KDM6A: variants seen among roughly 807,000 people sequenced by gnomAD.
The protein encoded by KDM6A is lysine-specific demethylase 6A.
KDM6A carries 11 observed loss-of-function variants against 117.6 expected under a neutral mutation model. The ratio of observed to expected loss-of-function variants is 0.09; its 90% CI spans 0.06 to 0.15. The LOEUF (loss-of-function observed/expected upper bound fraction) is 0.15, where lower values mean the gene tolerates loss of function less well. Among genes scored for constraint, KDM6A ranks in the 10% least tolerant of loss-of-function variants. The pLI is 1.00. For synonymous variants in KDM6A, 384 were observed against 396.1 expected, an observed-to-expected ratio of 0.97 and a Z score of 0.36; for missense variants, 799 against 1,077.3, an observed-to-expected ratio of 0.74 and a Z score of 3.62.
At chrX:45,038,598 G>T (rs185400409) in intron 8 of KDM6A, among the ~76,000 whole-genome samples, 15 of 108,128 alleles carry the variant, frequency 1.4e-4, no homozygotes, top group Non-Finnish European at 2.1e-4. Flanking sequence ...ACATTTGGGG[G>T]GGGGTGGTTG....
intron 2 of KDM6A, among the ~76,000 whole-genome samples, chrX:44,919,345 T>A (rs1294791244): frequency 9.0e-6 from 1 of 111,161 alleles, no homozygotes; most frequent in Non-Finnish European, 1.9e-5. Context: ...GACCTTAGTT[T>A]TGAGGAATAC....
At chrX:45,088,793 G>A (rs2045764093) in intron 25 of KDM6A, among the ~76,000 whole-genome samples, 1 of 112,863 alleles carries the variant, frequency 8.9e-6, no homozygotes, top group African/African-American at 3.2e-5. Flanking sequence ...ATATCATGAT[G>A]GAGAATAAGA....
chrX:45,000,593 T>G (rs1310212460), intron 4 of KDM6A, among the ~76,000 whole-genome samples: 2 of 112,560 alleles, frequency 1.8e-5, no homozygotes, highest in Non-Finnish European at 3.8e-5. Flanking sequence ...GCTGACTGAC[T>G]GATAAGCTCT....
At chrX:45,010,642 G>T (rs2041714436) in intron 4 of KDM6A, among the ~76,000 whole-genome samples, 1 of 111,802 alleles carries the variant, frequency 8.9e-6, no homozygotes, top group Non-Finnish European at 1.9e-5. Context: ...ACCAGAGGAA[G>T]AATGTAGATA....
At chrX:44,935,074 A>G (rs1291141392) in intron 2 of KDM6A, among the ~76,000 whole-genome samples, 1 of 111,156 alleles carries the variant, frequency 9.0e-6, no homozygotes, top group Non-Finnish European at 1.9e-5. Flanking sequence ...TACATGCAGT[A>G]CTTACTTGGC....
At chrX:44,933,390 C>T (rs1001247815) in intron 2 of KDM6A, among the ~76,000 whole-genome samples, 1 of 103,850 alleles carries the variant, frequency 9.6e-6, no homozygotes. Context: ...GCCTCAGCCT[C>T]GCAAGTAGCT....
chrX:45,071,001 A>G (rs1273834634), intron 18 of KDM6A, among the ~76,000 whole-genome samples: 2 of 111,878 alleles, frequency 1.8e-5, no homozygotes, highest in African/African-American at 3.2e-5. Context: ...AAGAAGAATC[A>G]AAGGATCAGG....
intron 19 of KDM6A, 147 bp from the exon 20 acceptor site, chrX:45,078,253 A>G (rs2148111855): frequency 1.9e-6 from 1 of 516,115 alleles, no homozygotes; most frequent in Non-Finnish European, 3.1e-6. Flanking sequence ...ATCAAAAGTC[A>G]CAGTGATAAG....
intron 4 of KDM6A, among the ~76,000 whole-genome samples, chrX:44,979,997 CCT>C (rs1491581496): frequency 1.6e-4 from 12 of 73,120 alleles, no homozygotes; most frequent in African/African-American, 5.9e-4. Context: ...TTCTTTCTTT[CCT>C]TTTTTTTTTT....
chrX:44,906,119 C>T (rs1334806257), intron 2 of KDM6A, among the ~76,000 whole-genome samples: 3 of 111,465 alleles, frequency 2.7e-5, no homozygotes, highest in African/African-American at 9.8e-5. Context: ...CTCCATATAA[C>T]TTTTAAACCC....
At chrX:44,906,520 C>A (rs772424472) in intron 2 of KDM6A, among the ~76,000 whole-genome samples, 1 of 110,244 alleles carries the variant, frequency 9.1e-6, no homozygotes, top group South Asian at 3.8e-4. Flanking sequence ...ATGAAGCTTT[C>A]CCTTAATCGT....
chrX:44,876,695 T>G (rs959933678), intron 2 of KDM6A, among the ~76,000 whole-genome samples: 9 of 100,351 alleles, frequency 9.0e-5, no homozygotes, highest in African/African-American at 2.6e-4. Context: ...AATTTAGCTA[T>G]TACTACTTGT....
chrX:44,941,262 A>G (rs2037302497), intron 2 of KDM6A, among the ~76,000 whole-genome samples: 1 of 111,199 alleles, frequency 9.0e-6, no homozygotes, highest in Non-Finnish European at 1.9e-5. Flanking sequence ...CTTAATATTA[A>G]TGAAAATAAT....
chrX:45,110,312 G>A, intron 29 of KDM6A, 63 bp downstream of exon 29: 1 of 982,596 alleles, frequency 1.0e-6, no homozygotes, highest in Non-Finnish European at 1.5e-6. Flanking sequence ...TGTTTGCTCT[G>A]CCACCTGATA....
chrX:44,885,925 G>A (rs1462262432), intron 2 of KDM6A, among the ~76,000 whole-genome samples: 1 of 110,802 alleles, frequency 9.0e-6, no homozygotes, highest in African/African-American at 3.3e-5. Flanking sequence ...TTCAGAGGCA[G>A]CCACTGATAA....
intron 4 of KDM6A, among the ~76,000 whole-genome samples, chrX:44,998,042 T>A (rs1029270327): frequency 8.9e-6 from 1 of 112,002 alleles, no homozygotes; most frequent in African/African-American, 3.2e-5. Flanking sequence ...TGGGGACTTT[T>A]CAGAGGAGTT....
intron 6 of KDM6A, among the ~76,000 whole-genome samples, chrX:45,030,901 G>T (rs2042576933): frequency 9.0e-6 from 1 of 110,617 alleles, no homozygotes; most frequent in Non-Finnish European, 1.9e-5. Flanking sequence ...TGCCATGTTG[G>T]CCTGGCTTGT....
rs775969133 is a variant in KDM6A, at chrX:45,069,854, C to T, written c.2355C>T (p.His785=). Residue 785 remains histidine (H), a synonymous_variant, in exon 18 of 30, where the codon CAC becomes CAT. Coordinates refer to ENST00000611820, the MANE Select transcript of KDM6A (RefSeq NM_001291415.2). ...NILTVPETSR[H]TGETPNSTAS... Reference sequence around the variant, plus strand: ...TGACGGTGCCTGAAACAAGCAGGCACACTGGAGAGACACCTAACAGCACTG... The same window carrying T: ...TGACGGTGCCTGAAACAAGCAGGCATACTGGAGAGACACCTAACAGCACTG... 14 of 1,209,970 alleles carry T rather than the reference C, an allele frequency of 1.2e-5. No homozygotes were observed. The highest frequency in any genetic ancestry group is 1.7e-5 in the African/African-American group (1 of 57,188).
intron 8 of KDM6A, among the ~76,000 whole-genome samples, chrX:45,050,621 G>C (rs1455290661): frequency 1.8e-5 from 2 of 111,582 alleles, no homozygotes; most frequent in Non-Finnish European, 3.8e-5. Context: ...GTTATATACT[G>C]GTAATGATAT....
Sources: gnomAD v4.1 joint callset for allele counts (sites outside exome capture counted in the v4.1 genomes callset) on GRCh38, gnomAD v4.1.1 for gene constraint, MANE v1.5 for transcripts, NCBI Gene and HGNC (gene_info 2026-07-23, HGNC 2026-07-21) for gene names.